HS6ST3: variants seen among roughly 807,000 people sequenced by gnomAD.
HS6ST3 encodes the protein heparan sulfate 6-O-sulfotransferase 3, also known as heparan-sulfate 6-O-sulfotransferase 3.
HS6ST3 carries 12 observed loss-of-function variants against 36.7 expected under a neutral mutation model. The observed-to-expected ratio is 0.33, with a 90% confidence interval of 0.21 to 0.53. HS6ST3 has a LOEUF of 0.53. Ranked by LOEUF, HS6ST3 falls within the 20% of genes least tolerant of loss-of-function variation. The pLI is 0.95. For synonymous variants in HS6ST3, 240 were observed against 257.5 expected (o/e 0.93, Z 0.65); for missense variants, 584 against 640.9 (o/e 0.91, Z 0.96).
At chr13:96,500,647 ACT>A (rs879922163) in intron 1 of HS6ST3, among the ~76,000 whole-genome samples, 2 of 152,074 alleles carry the variant, frequency 1.3e-5, no homozygotes, top group Admixed American at 6.6e-5. Context: ...AGTGATAGTC[ACT>A]CTCTTCTGCT....
chr13:96,826,426 T>A (rs980517492), intron 1 of HS6ST3, among the ~76,000 whole-genome samples: 4 of 152,186 alleles, frequency 2.6e-5, no homozygotes, highest in African/African-American at 7.2e-5. Context: ...AATTTTTTTT[T>A]AATATCTGCT....
intron 1 of HS6ST3, among the ~76,000 whole-genome samples, chr13:96,337,078 T>G (rs2055105340): frequency 6.6e-6 from 1 of 152,178 alleles, no homozygotes; most frequent in Non-Finnish European, 1.5e-5. Context: ...TTGTTTGTTT[T>G]GAGATGGAGT....
chr13:96,543,804 A>T (rs1010011142), intron 1 of HS6ST3, among the ~76,000 whole-genome samples: 2 of 152,182 alleles, frequency 1.3e-5, no homozygotes, highest in Non-Finnish European at 2.9e-5. Context: ...ACTATGAAGG[A>T]TGACAAATAT....
intron 1 of HS6ST3, among the ~76,000 whole-genome samples, chr13:96,674,323 G>A (rs1252853333): frequency 6.6e-6 from 1 of 152,100 alleles, no homozygotes; most frequent in South Asian, 2.1e-4. Context: ...GTGGAACCGT[G>A]AGCCAATTAA....
chr13:96,227,921 A>G (rs1217258560), intron 1 of HS6ST3, among the ~76,000 whole-genome samples: 1 of 152,190 alleles, frequency 6.6e-6, no homozygotes, highest in Non-Finnish European at 1.5e-5. Flanking sequence ...GGGTATTCCA[A>G]GAGAGGACTT....
chr13:96,560,822 A>G (rs950163951), intron 1 of HS6ST3, among the ~76,000 whole-genome samples: 2 of 152,180 alleles, frequency 1.3e-5, no homozygotes, highest in Admixed American at 6.5e-5. Flanking sequence ...CTAACCAAGG[A>G]GGTGAAAGAT....
At chr13:96,432,950 G>A (rs549391511) in intron 1 of HS6ST3, among the ~76,000 whole-genome samples, 7 of 152,250 alleles carry the variant, frequency 4.6e-5, no homozygotes, top group Admixed American at 3.9e-4. Context: ...AAAGTCATAA[G>A]AGAAGAGTGC....
chr13:96,159,439 C>A (rs2054126147), intron 1 of HS6ST3, among the ~76,000 whole-genome samples: 1 of 152,054 alleles, frequency 6.6e-6, no homozygotes, highest in Non-Finnish European at 1.5e-5. Flanking sequence ...AAATCATTAC[C>A]CATAGCTGTC....
At chr13:96,715,959 A>G (rs1875684490) in intron 1 of HS6ST3, among the ~76,000 whole-genome samples, 2 of 152,112 alleles carry the variant, frequency 1.3e-5, no homozygotes, top group African/African-American at 4.8e-5. Flanking sequence ...TCAGATTGAT[A>G]ATATCTACAT....
chr13:96,811,314 C>T (rs1448213315), intron 1 of HS6ST3, among the ~76,000 whole-genome samples: 2 of 152,066 alleles, frequency 1.3e-5, no homozygotes, highest in Admixed American at 6.6e-5. Flanking sequence ...AAGGGCTTTT[C>T]GACTTCTGAT....
chr13:96,745,735 G>A (rs1876546389), intron 1 of HS6ST3, among the ~76,000 whole-genome samples: 3 of 152,032 alleles, frequency 2.0e-5, no homozygotes, highest in Admixed American at 6.6e-5. Context: ...TCTCTGGCTT[G>A]ACTCACACTG....
At chr13:96,327,576 A>C (rs2055039817) in intron 1 of HS6ST3, among the ~76,000 whole-genome samples, 1 of 151,904 alleles carries the variant, frequency 6.6e-6, no homozygotes, top group Non-Finnish European at 1.5e-5. Context: ...TGTTTTGGTT[A>C]CTGTAGCCTT....
chr13:96,358,200 G>T (rs554824949), intron 1 of HS6ST3, among the ~76,000 whole-genome samples: 32 of 152,258 alleles, frequency 2.1e-4, no homozygotes, highest in Non-Finnish European at 4.1e-4. Flanking sequence ...GTTAAGAAAA[G>T]TACAGCATTG....
chr13:96,565,455 T>C (rs1019840393), intron 1 of HS6ST3, among the ~76,000 whole-genome samples: 2 of 152,088 alleles, frequency 1.3e-5, no homozygotes, highest in African/African-American at 2.4e-5. Context: ...GTTAGTATCA[T>C]TTTCCTACTC....
chr13:96,331,999 T>C (rs1594755633), intron 1 of HS6ST3, among the ~76,000 whole-genome samples: 1 of 152,364 alleles, frequency 6.6e-6, no homozygotes, highest in East Asian at 1.9e-4. Flanking sequence ...CCCTGACCCC[T>C]TGCGCTTCCC....
chr13:96,095,547 G>A (rs575483380), intron 1 of HS6ST3, among the ~76,000 whole-genome samples: 6 of 152,274 alleles, frequency 3.9e-5, no homozygotes, highest in South Asian at 2.1e-4. Context: ...TCACACCACC[G>A]GAAGGTTGGG....
intron 1 of HS6ST3, among the ~76,000 whole-genome samples, chr13:96,771,451 G>T (rs1406509478): frequency 6.6e-6 from 1 of 151,974 alleles, no homozygotes; most frequent in African/African-American, 2.4e-5. Context: ...AAAAATAAAA[G>T]AATACAGGGA....
At chr13:96,523,891 T>C (rs1435024551) in intron 1 of HS6ST3, among the ~76,000 whole-genome samples, 3 of 152,200 alleles carry the variant, frequency 2.0e-5, no homozygotes, top group Admixed American at 6.5e-5. Flanking sequence ...CATCCAGTTT[T>C]GTTCCCTTGC....
chr13:96,715,647 C>T (rs1325729676), intron 1 of HS6ST3, among the ~76,000 whole-genome samples: 4 of 152,016 alleles, frequency 2.6e-5, no homozygotes, highest in Non-Finnish European at 1.5e-5. Flanking sequence ...GCAGTTTCTC[C>T]CCTATCTCTA....
Sources: allele counts gnomAD v4.1 joint callset (sites outside exome capture counted in the v4.1 genomes callset), GRCh38; gene constraint gnomAD v4.1.1; transcripts MANE v1.5; gene names NCBI Gene and HGNC (gene_info 2026-07-23, HGNC 2026-07-21).